TG: variants seen among roughly 807,000 people sequenced by gnomAD.
The protein encoded by TG is thyroid hormones.
Under a neutral mutation model 324.7 loss-of-function variants are expected in TG, and 270 were observed. That is an observed-to-expected ratio of 0.83 (90% CI 0.75 to 0.92). TG has a LOEUF of 0.92. Among genes scored for constraint, TG ranks in the 40% least tolerant of loss-of-function variants. The pLI, the probability that TG is intolerant of heterozygous loss-of-function variation, is 0.00. For missense variants in TG, 3,591 were observed against 3,456.4 expected, an observed-to-expected ratio of 1.04 and a Z score of -0.98; for synonymous variants, 1,401 against 1,327.0, an observed-to-expected ratio of 1.06 and a Z score of -1.21.
intron 14 of TG, chr8:132,899,142 A>G: frequency 3.5e-6 from 2 of 569,380 alleles, no homozygotes; most frequent in Non-Finnish European, 6.3e-6. Context: ...ATTTTGTCCT[A>G]GCTAATGCTA....
At chr8:132,875,701 G>T (rs1362440390) in intron 5 of TG, among the ~76,000 whole-genome samples, 1 of 152,186 alleles carries the variant, frequency 6.6e-6, no homozygotes, top group East Asian at 1.9e-4. Flanking sequence ...AGCATTCTTT[G>T]TTTAAAAGAA....
intron 3 of TG, 89 bp downstream of exon 3, chr8:132,869,915 A>G: frequency 8.6e-7 from 1 of 1,164,386 alleles, no homozygotes; most frequent in African/African-American, 1.5e-5. Context: ...TGGGTGACTG[A>G]GCAGGTCCTC....
chr8:133,011,326 C>G (rs773596884), intron 35 of TG, among the ~76,000 whole-genome samples: 2 of 152,126 alleles, frequency 1.3e-5, no homozygotes, highest in Non-Finnish European at 2.9e-5. Flanking sequence ...AAGACAATTC[C>G]TAGAGAGAGA....
chr8:132,893,413 G>A (rs1375958808), intron 10 of TG, among the ~76,000 whole-genome samples: 7 of 139,416 alleles, frequency 5.0e-5, no homozygotes, highest in Admixed American at 2.9e-4. Context: ...TGTGTGTGGT[G>A]TGGTGTGTGT....
At position 132,977,742 on chromosome 8, in the gene TG, C is replaced by T. The variant is rs188932324; in HGVS notation, c.6199+5001C>T. On this transcript the variant is annotated intron_variant, in intron 34 of 47. Transcript: ENST00000220616. ...ACCCACTCCCATGATTCAATCATCTCCCACCAGGTCCCTCCCACAACACAT... is the reference window on the plus strand; with the variant it reads ...ACCCACTCCCATGATTCAATCATCTTCCACCAGGTCCCTCCCACAACACAT... 6.6e-5 allele frequency among the ~76,000 whole-genome samples: 10 copies of T among 152,284 alleles called. No homozygotes were observed. In the East Asian group the frequency reaches 1.9e-3, roughly 29 times the overall value.
chr8:133,047,984 G>A, intron 41 of TG: 2 of 1,145,078 alleles, frequency 1.7e-6, no homozygotes, highest in Non-Finnish European at 2.6e-6. Flanking sequence ...CCTCCCCCAG[G>A]AAAGGCAGGA....
chr8:133,021,896 G>T (rs1182235032), intron 39 of TG, 95 bp from the exon 40 acceptor site: 3 of 1,486,686 alleles, frequency 2.0e-6, no homozygotes, highest in South Asian at 2.3e-5. Flanking sequence ...CACAGAGCTG[G>T]CCAGAGGAGT....
intron 25 of TG, among the ~76,000 whole-genome samples, chr8:132,936,488 T>C (rs187320714): frequency 6.6e-6 from 1 of 152,330 alleles, no homozygotes; most frequent in East Asian, 1.9e-4. Context: ...GTGCCAGTGC[T>C]GCTGGTCCGG....
chr8:132,893,955 T>A, intron 11 of TG, 26 bp downstream of exon 11: 1 of 1,614,010 alleles, frequency 6.2e-7, no homozygotes, highest in Non-Finnish European at 8.5e-7. Flanking sequence ...TTCAGCTTTC[T>A]TACTGCATCG....
At chr8:132,921,423 T>TC (rs2132463063) in intron 21 of TG, among the ~76,000 whole-genome samples, 1 of 152,312 alleles carries the variant, frequency 6.6e-6, no homozygotes, top group Admixed American at 6.5e-5. Flanking sequence ...TTCTCTAGGA[T>TC]CAAGGTTGGA....
At chr8:133,082,673 A>G (rs1845934091) in intron 41 of TG, among the ~76,000 whole-genome samples, 1 of 152,198 alleles carries the variant, frequency 6.6e-6, no homozygotes, top group Non-Finnish European at 1.5e-5. Flanking sequence ...CTCCTAAACA[A>G]TAATGCCATT....
rs58739514 is a variant in TG at position 133,042,678 on chromosome 8, CTTTTTTTTTTT to C, written c.7239+12676_7239+12686del. Among the ~76,000 whole-genome samples, 272 of 56,764 alleles carry C rather than the reference CTTTTTTTTTTT, an allele frequency of 4.8e-3. 3 individuals carry two copies. The highest frequency in any genetic ancestry group is 8.1e-3 in the African/African-American group (118 of 14,484). The allele number at this position is 56,764 out of a possible 152,430, so 37.2% of individuals were successfully genotyped here. A position where few individuals can be genotyped will look rare whatever the true frequency, so the allele number is the denominator to read the frequency against. ...GTGCACAATTCCTCTCATTCTGTGT[CTTTTTTTTTTT>C]TTTTTTTTTTTTTTTTTTTTGTGAG... On this transcript the variant is annotated intron_variant, in intron 41 of 47. Transcript: ENST00000220616.
rs1249127652 is a variant in TG at position 132,869,800 on chromosome 8, G to T, written c.248G>T (p.Ser83Ile). 5 of 1,614,154 alleles carry T rather than the reference G, an allele frequency of 3.1e-6. No individual in the cohort carries two copies. Among genetic ancestry groups the T allele is most frequent in the Non-Finnish European group, 1.7e-6 (2 of 1,180,046 alleles). Residue 83 changes from serine (S) to isoleucine (I), a missense_variant, in exon 3 of 48, where the codon AGC becomes ATC. By Grantham distance (142) the Ser-to-Ile change is moderately radical (BLOSUM62 -2). Transcript: ENST00000220616. ...VGANGSEVLGSRQPGRPVACL... is the reference protein window; with the variant it reads ...VGANGSEVLGIRQPGRPVACL... The stretch of plus-strand genomic sequence containing the variant: ...GCCAACGGCAGTGAAGTGCTGGGCA[G>T]CAGGCAGCCAGGACGGCCTGTGGCT...
At chr8:133,132,395 CAG>C (rs926679129) in intron 46 of TG, among the ~76,000 whole-genome samples, 3 of 152,202 alleles carry the variant, frequency 2.0e-5, no homozygotes, top group African/African-American at 7.2e-5. Flanking sequence ...TGTCTCTCCA[CAG>C]AGGGGAATAC....
intron 41 of TG, among the ~76,000 whole-genome samples, chr8:133,045,776 G>A (rs921887156): frequency 6.6e-6 from 1 of 152,144 alleles, no homozygotes; most frequent in African/African-American, 2.4e-5. Context: ...TAGTTTGGTT[G>A]CAACCTGTAG....
At chr8:133,106,615 C>A (rs1564197826) in intron 43 of TG, among the ~76,000 whole-genome samples, 1 of 152,164 alleles carries the variant, frequency 6.6e-6, no homozygotes, top group South Asian at 2.1e-4. Flanking sequence ...GAACCCTACC[C>A]TCTCTTGTCT....
In TG at chr8:133,131,812, C is replaced by G; in HGVS notation, c.7863C>G (p.Ser2621Arg). Residue 2621 changes from serine (S) to arginine (R), a missense_variant and splice_region_variant, in exon 46 of 48, where the codon AGC (serine) becomes AGG (arginine). By Grantham distance (110) the Ser-to-Arg change is moderately radical. Coordinates refer to ENST00000220616, the MANE Select transcript of TG (RefSeq NM_003235.5). ...TGCTGCTTTTCCTCTGTTTTCTCAG[C>G]CTGGAGCTGCTGGCGGATGTTCAGT... is the stretch of plus-strand genomic sequence containing the variant. ...YHAPENYGHG[S>R]LELLADVQFA... is the part of the protein sequence containing the mutation. The G allele has an allele frequency of 6.2e-7, 1 of 1,614,174 alleles. No individual in the cohort carries two copies. The highest frequency in any genetic ancestry group is 1.1e-5 in the South Asian group (1 of 91,088).
intron 27 of TG, among the ~76,000 whole-genome samples, chr8:132,959,020 G>C (rs922353189): frequency 2.0e-5 from 3 of 152,178 alleles, no homozygotes; most frequent in African/African-American, 4.8e-5. Flanking sequence ...TTCTAAAGAA[G>C]GCTATGACAG....
At chr8:133,070,036 AAAGAAAAGAAAAG>A (rs1484723023) in intron 41 of TG, among the ~76,000 whole-genome samples, 1 of 149,440 alleles carries the variant, frequency 6.7e-6, no homozygotes, top group African/African-American at 2.5e-5. Context: ...AGAAAGAAAG[AAAGAAAAGAAAAG>A]AAGAAAAGAA....
Sources: gnomAD v4.1 joint callset for allele counts (sites outside exome capture counted in the v4.1 genomes callset) on GRCh38, gnomAD v4.1.1 for gene constraint, MANE v1.5 for transcripts, NCBI Gene and HGNC (gene_info 2026-07-23, HGNC 2026-07-21) for gene names.